The following AGBL4 variants were observed in gnomAD, a reference collection of about 807,000 sequenced individuals.
The protein encoded by AGBL4 is AGBL carboxypeptidase 4.
In AGBL4, 58 loss-of-function variants were observed where a neutral mutation model predicts 66.4. The ratio of observed to expected loss-of-function variants is 0.87; its 90% confidence interval spans 0.71 to 1.09. The LOEUF is 1.09. Among genes scored for constraint, AGBL4 ranks in the 50% least tolerant of loss-of-function variants. The pLI, the probability that AGBL4 is intolerant of heterozygous loss-of-function variation, is 0.00. For synonymous variants in AGBL4, 234 were observed against 222.9 expected, an observed-to-expected ratio of 1.05 and a Z score of -0.44; for missense variants, 579 against 631.0, an observed-to-expected ratio of 0.92 and a Z score of 0.88.
intron 3 of AGBL4, among the ~76,000 whole-genome samples, chr1:49,603,155 A>G (rs1644994226): frequency 6.6e-6 from 1 of 152,152 alleles, no homozygotes; most frequent in African/African-American, 2.4e-5. Context: ...GCTAAAGGTG[A>G]AGAGAACAGG....
At chr1:49,074,981 A>G (rs1557619423) in intron 4 of AGBL4, among the ~76,000 whole-genome samples, 1 of 152,200 alleles carries the variant, frequency 6.6e-6, no homozygotes, top group Admixed American at 6.5e-5. Context: ...ATCCACTTTT[A>G]CATTAAAATA....
chr1:48,590,575 AC>A (rs1225160545), intron 10 of AGBL4, among the ~76,000 whole-genome samples: 2 of 151,638 alleles, frequency 1.3e-5, no homozygotes, highest in Non-Finnish European at 2.9e-5. Flanking sequence ...CAAAACAAAA[AC>A]CCCAAAACAA....
At chr1:49,839,600 T>C (rs1645937620) in intron 2 of AGBL4, among the ~76,000 whole-genome samples, 2 of 152,316 alleles carry the variant, frequency 1.3e-5, no homozygotes, top group South Asian at 2.1e-4. Context: ...TAATGTAATA[T>C]AATCAGATTA....
At chr1:50,016,403 A>T (rs1318757328) in intron 1 of AGBL4, among the ~76,000 whole-genome samples, 1 of 152,114 alleles carries the variant, frequency 6.6e-6, no homozygotes, top group Non-Finnish European at 1.5e-5. Context: ...TCTACTAAAA[A>T]ACACAAAAAT....
At chr1:49,372,345 A>G (rs927554859) in intron 3 of AGBL4, among the ~76,000 whole-genome samples, 7 of 152,188 alleles carry the variant, frequency 4.6e-5, no homozygotes, top group Non-Finnish European at 8.8e-5. Context: ...CATCCATGTC[A>G]GTTCAGTCAC....
At chr1:49,728,044 A>T (rs2124704341) in intron 2 of AGBL4, among the ~76,000 whole-genome samples, 1 of 152,298 alleles carries the variant, frequency 6.6e-6, no homozygotes, top group Non-Finnish European at 1.5e-5. Flanking sequence ...ATAAATGATA[A>T]AACTTAAGGG....
At chr1:48,955,052 T>C (rs771406068) in intron 5 of AGBL4, among the ~76,000 whole-genome samples, 3 of 152,158 alleles carry the variant, frequency 2.0e-5, no homozygotes, top group African/African-American at 4.8e-5. Context: ...AGATTCAGAA[T>C]TGGGCCTGTA....
intron 1 of AGBL4, among the ~76,000 whole-genome samples, chr1:49,946,482 A>T (rs753529271): frequency 1.3e-5 from 2 of 152,044 alleles, no homozygotes; most frequent in Non-Finnish European, 2.9e-5. Flanking sequence ...TGAAATCAAG[A>T]TGGAAATTTA....
At chr1:49,916,911 G>C (rs543528048) in intron 1 of AGBL4, among the ~76,000 whole-genome samples, 1 of 152,300 alleles carries the variant, frequency 6.6e-6, no homozygotes, top group Admixed American at 6.5e-5. Context: ...CAAGCCAGAA[G>C]AGAGTGGGGG....
chr1:48,601,878 A>C (rs1037173715), intron 9 of AGBL4, among the ~76,000 whole-genome samples: 4 of 152,136 alleles, frequency 2.6e-5, no homozygotes, highest in African/African-American at 9.7e-5. Flanking sequence ...CAAGTAGAAA[A>C]GCCAGGCCTT....
At chr1:49,784,505 T>C (rs1644406322) in intron 2 of AGBL4, among the ~76,000 whole-genome samples, 1 of 151,890 alleles carries the variant, frequency 6.6e-6, no homozygotes, top group East Asian at 1.9e-4. Context: ...CACACTAAAA[T>C]GAACTCAAAA....
At chr1:49,346,127 A>G (rs917051610) in intron 3 of AGBL4, among the ~76,000 whole-genome samples, 7 of 152,186 alleles carry the variant, frequency 4.6e-5, no homozygotes, top group African/African-American at 7.2e-5. Flanking sequence ...TTATTTTGCA[A>G]ACTAACTGGT....
At chr1:48,647,738 G>C (rs1433939965) in intron 8 of AGBL4, 1 of 333,926 alleles carries the variant, frequency 3.0e-6, no homozygotes, top group Non-Finnish European at 6.0e-6. Flanking sequence ...TGGGCGTGGG[G>C]GCTTTCTTCT....
intron 3 of AGBL4, among the ~76,000 whole-genome samples, chr1:49,483,589 C>T (rs1180432919): frequency 1.3e-5 from 2 of 151,836 alleles, no homozygotes; most frequent in African/African-American, 4.8e-5. Flanking sequence ...TCACCACATA[C>T]AAAAATCAAA....
At chr1:49,682,218 CA>C (rs2124564284) in intron 3 of AGBL4, among the ~76,000 whole-genome samples, 1 of 152,104 alleles carries the variant, frequency 6.6e-6, no homozygotes, top group Non-Finnish European at 1.5e-5. Context: ...CCATCCTGGC[CA>C]ACATGGTGAA....
At chr1:48,746,795 C>T (rs987111504) in intron 6 of AGBL4, among the ~76,000 whole-genome samples, 4 of 152,188 alleles carry the variant, frequency 2.6e-5, no homozygotes, top group Non-Finnish European at 5.9e-5. Context: ...AGGCTGCTGA[C>T]GTCTCTGGAA....
At chr1:49,811,477 C>A (rs187426426) in intron 2 of AGBL4, among the ~76,000 whole-genome samples, 23 of 152,204 alleles carry the variant, frequency 1.5e-4, no homozygotes, top group Admixed American at 7.2e-4. Context: ...TTATAAGTAT[C>A]TTAGCTACCC....
intron 3 of AGBL4, among the ~76,000 whole-genome samples, chr1:49,304,910 G>A (rs1382556724): frequency 2.0e-5 from 3 of 152,082 alleles, no homozygotes; most frequent in African/African-American, 7.2e-5. Flanking sequence ...CACATTTTTA[G>A]TATGTAATTT....
At chr1:49,957,264 C>A (rs150629518) in intron 1 of AGBL4, among the ~76,000 whole-genome samples, 1 of 151,986 alleles carries the variant, frequency 6.6e-6, no homozygotes, top group Non-Finnish European at 1.5e-5. Flanking sequence ...TTTGCTAGGA[C>A]TGCTTTACCT....
Sources: gnomAD v4.1 joint callset for allele counts (sites outside exome capture counted in the v4.1 genomes callset) on GRCh38, gnomAD v4.1.1 for gene constraint, MANE v1.5 for transcripts, NCBI Gene and HGNC (gene_info 2026-07-23, HGNC 2026-07-21) for gene names.